Variants in LAMTOR1 observed in about 807,000 individuals in gnomAD.
LAMTOR1 encodes the protein late endosomal/lysosomal adaptor, MAPK and MTOR activator 1, also known as ragulator complex protein LAMTOR1.
LAMTOR1 carries 8 observed loss-of-function variants against 20.5 expected under a neutral mutation model. The ratio of observed to expected loss-of-function variants is 0.39; its 90% CI spans 0.23 to 0.70. The LOEUF (loss-of-function observed/expected upper bound fraction) is 0.70. LAMTOR1 is among the 30% of genes least tolerant of loss of function. The probability of loss-of-function intolerance (pLI) is 0.43; values close to 1 mark genes in which losing one functional copy is unlikely to be tolerated. For missense variants in LAMTOR1, 135 were observed against 206.2 expected, an observed-to-expected ratio of 0.65 and a Z score of 2.11; for synonymous variants, 77 against 80.9, an observed-to-expected ratio of 0.95 and a Z score of 0.26.
Position 72,103,236 on chromosome 11 carries a change from G to C in LAMTOR1, c.-12C>G. 6.4e-7 allele frequency: 1 copy of C among 1,556,734 alleles called. No individual in the cohort carries two copies. The highest frequency in any genetic ancestry group is 1.4e-5 in the African/African-American group (1 of 73,486). The stretch of plus-strand genomic sequence containing the variant: ...TAGCAGCACCCCATGGCCGGGGTCG[G>C]GCCGGGCGCTCAGGCCGCGCCGAGG... On this transcript the variant is annotated 5_prime_UTR_variant, in exon 1 of 5. Coordinates refer to ENST00000278671, the MANE Select transcript of LAMTOR1 (RefSeq NM_017907.3).
At chr11:72,100,172 C>T (rs572509983) in intron 1 of LAMTOR1, among the ~76,000 whole-genome samples, 37 of 152,232 alleles carry the variant, frequency 2.4e-4, no homozygotes, top group Non-Finnish European at 2.8e-4. Context: ...TGAAGTGCAA[C>T]GACTGTATGA....
intron 3 of LAMTOR1, 50 bp downstream of exon 3, chr11:72,098,731 A>G: frequency 7.5e-7 from 1 of 1,329,382 alleles, no homozygotes; most frequent in Non-Finnish European, 1.0e-6. Context: ...ACAGTGATGG[A>G]GGGTGGGAGC....
At chr11:72,098,564 C>T in intron 3 of LAMTOR1, 149 bp from the exon 4 acceptor site, 1 of 1,021,500 alleles carries the variant, frequency 9.8e-7, no homozygotes, top group Non-Finnish European at 1.4e-6. Flanking sequence ...CAGACTCAAT[C>T]TAGGCCCATC....
intron 4 of LAMTOR1, 109 bp downstream of exon 4, chr11:72,098,180 C>G: frequency 7.0e-7 from 1 of 1,426,420 alleles, no homozygotes; most frequent in Non-Finnish European, 9.7e-7. Flanking sequence ...GGCTACCAGG[C>G]TCCCTAACTC....
intron 3 of LAMTOR1, 130 bp downstream of exon 3, chr11:72,098,651 G>A (rs1565325127): frequency 1.3e-6 from 1 of 796,514 alleles, no homozygotes; most frequent in East Asian, 2.7e-5. Context: ...GCACCCAAGT[G>A]ATCTGTGGTC....
Position 72,103,235 on chromosome 11 carries a change from G to C in LAMTOR1, c.-11C>G, listed in dbSNP as rs113982031. On this transcript the variant is annotated 5_prime_UTR_variant, in exon 1 of 5. Coordinates refer to ENST00000278671, the MANE Select transcript of LAMTOR1 (RefSeq NM_017907.3). ...GTAGCAGCACCCCATGGCCGGGGTC[G>C]GGCCGGGCGCTCAGGCCGCGCCGAG... 3,943 of 1,557,146 alleles carry C rather than the reference G, an allele frequency of 2.5e-3. 5 individuals are homozygous for C. Among genetic ancestry groups the C allele is most frequent in the Middle Eastern group, 3.7e-3 (22 of 5,920 alleles).
At position 72,103,267 on chromosome 11, in the gene LAMTOR1, C is replaced by G; in HGVS notation, c.-43G>C. On this transcript the variant is annotated 5_prime_UTR_variant, in exon 1 of 5. Transcript: ENST00000278671. The stretch of plus-strand genomic sequence containing the variant: ...GCGCTCAGGCCGCGCCGAGGAGGGA[C>G]GGCGTCCGTGAGGAGCCCTTCCGGT... The G allele has an allele frequency of 6.5e-7, 1 of 1,545,604 alleles. No individual in the cohort carries two copies. Among genetic ancestry groups the G allele is most frequent in the East Asian group, 2.4e-5 (1 of 40,848 alleles).
At position 72,097,485 on chromosome 11, in the gene LAMTOR1, A is replaced by G. The variant is rs1945267304; in HGVS notation, c.*337T>C. On this transcript the variant is annotated 3_prime_UTR_variant, in exon 5 of 5. Transcript: ENST00000278671. ...AGGGGGCAGGAGTGACTCTGAGGCCAACAGAGAGGGTGGGAAGGGGATCTC... is the reference window on the plus strand; with the variant it reads ...AGGGGGCAGGAGTGACTCTGAGGCCGACAGAGAGGGTGGGAAGGGGATCTC... 2 of 1,085,630 alleles carry G rather than the reference A, an allele frequency of 1.8e-6. No homozygotes were observed. The highest frequency in any genetic ancestry group is 2.2e-6 in the Non-Finnish European group (2 of 889,822). The allele number at this position is 1,085,630 out of a possible 1,614,324, so 67.2% of individuals were successfully genotyped here.
chr11:72,097,999 G>A lies in LAMTOR1; in HGVS notation c.394-85C>T, dbSNP rs1206934198. ...AAAAATGGGGAGGGGAGATTAGATG[G>A]TGATGGAGAAGGAGGGAATGAAGGG... On this transcript the variant is annotated intron_variant, in intron 4 of 4. Transcript: ENST00000278671. 6.8e-6 allele frequency: 10 copies of A among 1,459,996 alleles called. No individual in the cohort carries two copies. The East Asian group carries it at 2.1e-4, about 30-fold the overall frequency. 90.4% of individuals were successfully genotyped at this position (1,459,996 alleles called of 1,614,324 possible). A position where few individuals can be genotyped will look rare whatever the true frequency, so the allele number is the denominator to read the frequency against.
chr11:72,102,950 G>C (rs748057425), intron 1 of LAMTOR1, among the ~76,000 whole-genome samples: 1 of 152,268 alleles, frequency 6.6e-6, no homozygotes, highest in Non-Finnish European at 1.5e-5. Flanking sequence ...AGTGGTGGGA[G>C]CGAGCCGGAC....
intron 4 of LAMTOR1, 88 bp from the exon 5 acceptor site, chr11:72,098,002 A>T: frequency 6.9e-7 from 1 of 1,449,350 alleles, no homozygotes; most frequent in Non-Finnish European, 9.3e-7. Context: ...TTAGATGGTG[A>T]TGGAGAAGGA....
chr11:72,098,409 G>A lies in LAMTOR1; in HGVS notation c.273C>T (p.Arg91=). The change falls in exon 4 of 5, where the codon CGC becomes CGT. Residue 91 remains arginine, a synonymous_variant. Transcript: ENST00000278671. ...TCAGGCTGCTGCTCAGCACAGCCAA[G>A]CGGGTGCTGACCAAGAGAGAGGGGG... ...YMDRARQYST[R]LAVLSSSLTH... 6.2e-7 allele frequency: 1 copy of A among 1,611,866 alleles called. No individual in the cohort carries two copies. Among genetic ancestry groups the A allele is most frequent in the Non-Finnish European group, 8.5e-7 (1 of 1,179,200 alleles).
Position 72,097,868 on chromosome 11 carries a change from CG to C in LAMTOR1, c.439del (p.Arg147ValfsTer48). On this transcript the variant is annotated frameshift_variant, in exon 5 of 5. Coordinates refer to ENST00000278671, the MANE Select transcript of LAMTOR1 (RefSeq NM_017907.3). LOFTEE classifies it high-confidence loss of function. ...AYAYSALSQIRVDAKEELVVQ... is the reference protein window; with the variant it reads ...AYAYSALSQIXVDAKEELVVQ... ...AACCAGCTCCTCTTTTGCGTCCACA[CG>C]GATCTGAGAAAGTGCACTGTAGGCA... is the stretch of plus-strand genomic sequence containing the variant. The C allele has an allele frequency of 6.2e-7, 1 of 1,612,490 alleles. No homozygotes were observed. Among genetic ancestry groups the C allele is most frequent in the Non-Finnish European group, 8.5e-7 (1 of 1,178,864 alleles).
chr11:72,100,530 A>T (rs1945399652), intron 1 of LAMTOR1: 1 of 152,250 alleles, frequency 6.6e-6, no homozygotes, highest in South Asian at 2.1e-4. Flanking sequence ...GTAAATGAGA[A>T]AAACAGACCT....
At chr11:72,100,899 T>TA (rs1450987965) in intron 1 of LAMTOR1, among the ~76,000 whole-genome samples, 1 of 152,252 alleles carries the variant, frequency 6.6e-6, no homozygotes, top group Non-Finnish European at 1.5e-5. Context: ...ATCACCTCTA[T>TA]AAACTCCCAG....
chr11:72,098,190 C>G (rs749886285), intron 4 of LAMTOR1, 99 bp downstream of exon 4: 56 of 1,506,192 alleles, frequency 3.7e-5, no homozygotes, highest in Non-Finnish European at 4.6e-5. Flanking sequence ...CTCCCTAACT[C>G]CACCTTCCCT....
At chr11:72,098,261 G>A (rs1202036165) in intron 4 of LAMTOR1, 28 bp downstream of exon 4, 1 of 1,610,054 alleles carries the variant, frequency 6.2e-7, no homozygotes, top group Non-Finnish European at 8.5e-7. Context: ...TGAGAAGGGT[G>A]GGCAGGGGCA....
chr11:72,098,941 G>T, intron 2 of LAMTOR1, 83 bp from the exon 3 acceptor site: 3 of 1,366,190 alleles, frequency 2.2e-6, no homozygotes, highest in Non-Finnish European at 2.0e-6. Flanking sequence ...CCAACTCCAG[G>T]GCTATCTGAC....
intron 1 of LAMTOR1, among the ~76,000 whole-genome samples, chr11:72,100,252 C>A (rs772352229): frequency 1.8e-4 from 27 of 152,256 alleles, no homozygotes; most frequent in Non-Finnish European, 2.2e-4. Context: ...GAGAGCAAGA[C>A]CCCATCTCAA....
Sources: allele counts gnomAD v4.1 joint callset (sites outside exome capture counted in the v4.1 genomes callset), GRCh38; gene constraint gnomAD v4.1.1; transcripts MANE v1.5; gene names NCBI Gene and HGNC (gene_info 2026-07-23, HGNC 2026-07-21).